RAP1GAP2: variants seen among roughly 807,000 people sequenced by gnomAD.
The protein encoded by RAP1GAP2 is rap1 GTPase-activating protein 2.
A neutral mutation model predicts 95.0 loss-of-function variants in RAP1GAP2; 27 were observed. The ratio of observed to expected loss-of-function variants is 0.28; its 90% CI spans 0.21 to 0.39. RAP1GAP2 has a LOEUF of 0.39. RAP1GAP2 is among the 10% of genes least tolerant of loss of function. The pLI, the probability that RAP1GAP2 is intolerant of heterozygous loss-of-function variation, is 1.00. For missense variants in RAP1GAP2, 771 were observed against 970.0 expected (o/e 0.79, Z 2.72); for synonymous variants, 373 against 380.9 (o/e 0.98, Z 0.24).
At chr17:2,905,113 C>T (rs1294591789) in intron 2 of RAP1GAP2, among the ~76,000 whole-genome samples, 171 bp from the exon 3 acceptor site, 2 of 152,208 alleles carry the variant, frequency 1.3e-5, no homozygotes, top group Non-Finnish European at 2.9e-5. Context: ...GAACTCCTGA[C>T]CTCAGGTGAT....
chr17:2,907,489 G>C (rs567495416), intron 3 of RAP1GAP2, among the ~76,000 whole-genome samples: 1 of 152,206 alleles, frequency 6.6e-6, no homozygotes, highest in African/African-American at 2.4e-5. Flanking sequence ...AGGAATGAGG[G>C]CTGCACAGTT....
In RAP1GAP2 at chr17:3,018,047, T is replaced by G; in HGVS notation, c.1495-14T>G. The G allele has an allele frequency of 6.4e-7, 1 of 1,571,198 alleles. No homozygotes were observed. Among genetic ancestry groups the G allele is most frequent in the Non-Finnish European group, 8.6e-7 (1 of 1,158,624 alleles). Reference sequence around the variant, plus strand: ...CCGGGTGCTGATTCTCAGGCCCTTGTTCTCTCCCCGTAGAGGGCCATCCGC... The same window carrying G: ...CCGGGTGCTGATTCTCAGGCCCTTGGTCTCTCCCCGTAGAGGGCCATCCGC... On this transcript the variant is annotated splice_polypyrimidine_tract_variant and intron_variant, in intron 17 of 24. Transcript: ENST00000254695.
intron 7 of RAP1GAP2, chr17:2,964,496 T>G: frequency 5.0e-6 from 1 of 199,196 alleles, no homozygotes; most frequent in Non-Finnish European, 1.0e-5. Flanking sequence ...TCTGAGGGCC[T>G]CTGTCCTGGG....
intron 10 of RAP1GAP2, 66 bp downstream of exon 10, chr17:2,981,314 T>C (rs1829826064): frequency 6.9e-7 from 1 of 1,441,790 alleles, no homozygotes. Context: ...GACCTGTGGC[T>C]CTTTGGGGAG....
chr17:2,810,772 G>A (rs1323953329), intron 2 of RAP1GAP2, among the ~76,000 whole-genome samples: 5 of 151,796 alleles, frequency 3.3e-5, no homozygotes, highest in South Asian at 2.1e-4. Flanking sequence ...CTCGTGATCC[G>A]CCCGCCTCAG....
At chr17:2,781,101 G>A (rs1157469180) in intron 1 of RAP1GAP2, among the ~76,000 whole-genome samples, 6 of 152,350 alleles carry the variant, frequency 3.9e-5, no homozygotes, top group South Asian at 2.1e-4. Context: ...CGAGCCCCTG[G>A]CCCCGGCCAC....
rs148945470 is a variant in RAP1GAP2 at position 3,027,584 on chromosome 17, G to A, written c.2107+514G>A. 4.9e-3 allele frequency among the ~76,000 whole-genome samples: 747 copies of A among 152,130 alleles called. 5 individuals are homozygous for A. Among genetic ancestry groups the A allele is most frequent in the African/African-American group, 0.016 (682 of 41,508 alleles). ...GGCAGCTGGGTTCACAGAGCCAGGC[G>A]TCAGAGAGGCCGGAGCGTTGACAGG... is the stretch of plus-strand genomic sequence containing the variant. On this transcript the variant is annotated intron_variant, in intron 22 of 24. Coordinates refer to ENST00000254695, the MANE Select transcript of RAP1GAP2 (RefSeq NM_015085.5). The surrounding 1 kb of genome is among the most constrained non-coding windows in gnomAD (Gnocchi z 5.2).
chr17:3,015,005 C>CTATT (rs533052946), intron 17 of RAP1GAP2, among the ~76,000 whole-genome samples: 5 of 152,142 alleles, frequency 3.3e-5, no homozygotes, highest in East Asian at 1.9e-4. Context: ...GAACCTGTCT[C>CTATT]TATTTATTTA....
intron 1 of RAP1GAP2, among the ~76,000 whole-genome samples, chr17:2,765,129 C>T (rs1474186200): frequency 1.3e-5 from 2 of 152,178 alleles, no homozygotes; most frequent in African/African-American, 4.8e-5. Context: ...AAGCAGGTCA[C>T]AGAGGAGGGA....
chr17:2,940,534 G>A (rs1182613475), intron 3 of RAP1GAP2, among the ~76,000 whole-genome samples: 4 of 152,228 alleles, frequency 2.6e-5, no homozygotes, highest in African/African-American at 9.6e-5. Flanking sequence ...CAGGCTGCGG[G>A]TCCCGCCCTC....
chr17:2,925,692 A>G (rs2042933342), intron 3 of RAP1GAP2, among the ~76,000 whole-genome samples: 2 of 152,226 alleles, frequency 1.3e-5, no homozygotes, highest in Admixed American at 1.3e-4. Context: ...AGGTACTTCC[A>G]GGCCATCCTT....
At chr17:2,960,123 C>CAAAAAAAAAAA (rs71153316) in intron 4 of RAP1GAP2, among the ~76,000 whole-genome samples, 1 of 80,984 alleles carries the variant, frequency 1.2e-5, no homozygotes, top group African/African-American at 5.0e-5. Flanking sequence ...GACTCCATCT[C>CAAAAAAAAAAA]AAAAAAAAAA....
chr17:2,792,659 G>A (rs76674665), upstream of RAP1GAP2, among the ~76,000 whole-genome samples: 4 of 152,244 alleles, frequency 2.6e-5, no homozygotes. Context: ...AGTCCAGGCT[G>A]TGGGTTCTGC....
Position 2,781,800 on chromosome 17 carries a change from CTGTG to C in RAP1GAP2, c.-14+4527_-14+4530del, listed in dbSNP as rs753602985. ...TGTGCACGTTTCTGTGTGTGCACGT[CTGTG>C]TGTGCACGTCTCTGTGTGTGCAGGT... is the stretch of plus-strand genomic sequence containing the variant. On this transcript the variant is annotated intron_variant, in intron 1 of 24. Coordinates refer to the RAP1GAP2 transcript ENST00000540393. Among the ~76,000 whole-genome samples the C allele has an allele frequency of 7.4e-5, 11 of 147,922 alleles. No individual in the cohort carries two copies. In the East Asian group the frequency reaches 1.2e-3, roughly 16 times the overall value.
rs918191221 is a variant in RAP1GAP2 at position 2,903,572 on chromosome 17, G to T, written c.81-1712G>T. 1.3e-5 allele frequency among the ~76,000 whole-genome samples: 2 copies of T among 152,206 alleles called. No individual in the cohort carries two copies. The highest frequency in any genetic ancestry group is 1.5e-5 in the Non-Finnish European group (1 of 68,044). ...GAGCCAGTTACAGCCTGGATCAGGC[G>T]GGAGAGTCCCCCCTCTCCAGCCATC... On this transcript the variant is annotated intron_variant, in intron 2 of 24. Transcript: ENST00000254695. The surrounding 1 kb of genome is among the most constrained non-coding windows in gnomAD (Gnocchi z 4.1).
At chr17:2,815,839 G>A (rs1031589385) in intron 2 of RAP1GAP2, among the ~76,000 whole-genome samples, 7 of 152,228 alleles carry the variant, frequency 4.6e-5, no homozygotes, top group East Asian at 1.9e-4. Context: ...GTAACTGTGC[G>A]ATGTGCCCTC....
rs562175187 is a variant in RAP1GAP2, at chr17:3,008,231, C to T, written c.1494+86C>T. 494 of 1,567,056 alleles carry T rather than the reference C, an allele frequency of 3.2e-4. 4 individuals are homozygous for T. The South Asian group carries it at 5.6e-3, about 18-fold the overall frequency. On this transcript the variant is annotated intron_variant, in intron 17 of 24. Coordinates refer to ENST00000254695, the MANE Select transcript of RAP1GAP2 (RefSeq NM_015085.5). The surrounding 1 kb of genome is among the most constrained non-coding windows in gnomAD (Gnocchi z 4.2). ...GGTCCAAGGTCCATGGGATACTGAT[C>T]CCAGAGCCCAAGGGCCAGCTGGAGG...
intron 2 of RAP1GAP2, among the ~76,000 whole-genome samples, chr17:2,813,850 C>T (rs9893905): frequency 0.63 from 95,859 of 151,694 alleles, 30,799 homozygotes; most frequent in African/African-American, 0.72. Context: ...GTAATCGTAG[C>T]TACTCGGGAG....
At chr17:3,012,538 A>T (rs1297662437) in intron 17 of RAP1GAP2, among the ~76,000 whole-genome samples, 1 of 146,322 alleles carries the variant, frequency 6.8e-6, no homozygotes, top group Non-Finnish European at 1.5e-5. Flanking sequence ...GAATTGCTCA[A>T]ACCTGGGAGG....
Sources: allele counts gnomAD v4.1 joint callset (sites outside exome capture counted in the v4.1 genomes callset), GRCh38; gene constraint gnomAD v4.1.1; non-coding constraint Gnocchi (gnomAD v3.1); transcripts MANE v1.5; gene names NCBI Gene and HGNC (gene_info 2026-07-23, HGNC 2026-07-21).